Variants in ARHGAP6 observed in about 807,000 individuals in gnomAD.
ARHGAP6 encodes rho GTPase-activating protein 6.
A neutral mutation model predicts 55.7 loss-of-function variants in ARHGAP6; 16 were observed. That is an observed-to-expected ratio of 0.29 (90% confidence interval 0.19 to 0.44). The LOEUF is 0.44. ARHGAP6 is among the 20% of genes least tolerant of loss of function. The pLI is 1.00. For missense variants in ARHGAP6, 698 were observed against 808.9 expected, an observed-to-expected ratio of 0.86 and a Z score of 1.66; for synonymous variants, 382 against 360.9, an observed-to-expected ratio of 1.06 and a Z score of -0.66.
chrX:11,487,556 G>A (rs1475929605), intron 1 of ARHGAP6, among the ~76,000 whole-genome samples: 1 of 112,222 alleles, frequency 8.9e-6, no homozygotes, highest in African/African-American at 3.2e-5. Context: ...AATAATTTAA[G>A]TATGTCCATG....
chrX:11,257,820 A>C (rs866142586), intron 1 of ARHGAP6, among the ~76,000 whole-genome samples: 1 of 111,918 alleles, frequency 8.9e-6, no homozygotes, highest in Non-Finnish European at 1.9e-5. Flanking sequence ...TTTGTTATCT[A>C]TCTGGAGGAT....
intron 1 of ARHGAP6, among the ~76,000 whole-genome samples, chrX:11,552,591 T>TGG (rs2051280080): frequency 4.5e-5 from 3 of 66,031 alleles, no homozygotes; most frequent in African/African-American, 1.8e-4. Flanking sequence ...TATATATATA[T>TGG]ATATATATAG....
intron 9 of ARHGAP6, among the ~76,000 whole-genome samples, chrX:11,158,176 G>A (rs1298535559): frequency 1.8e-5 from 2 of 111,820 alleles, no homozygotes; most frequent in Non-Finnish European, 3.8e-5. Context: ...AGTGTGTATC[G>A]TAGTCAAAGT....
At chrX:11,438,652 T>A (rs1040262880) in intron 1 of ARHGAP6, among the ~76,000 whole-genome samples, 1 of 112,911 alleles carries the variant, frequency 8.9e-6, no homozygotes, top group Admixed American at 9.4e-5. Flanking sequence ...AGAAATTGTT[T>A]CTATCTTGCC....
Position 11,590,869 on chromosome X carries a change from G to GAGAAGGAAAGAAAGAAAGAAAGAAA in ARHGAP6, c.588+73371_588+73372insTTTCTTTCTTTCTTTCTTTCCTTCT. Among the ~76,000 whole-genome samples the GAGAAGGAAAGAAAGAAAGAAAGAAA allele has an allele frequency of 8.3e-5, 2 of 24,218 alleles. 1 individual carries two copies. Among genetic ancestry groups the GAGAAGGAAAGAAAGAAAGAAAGAAA allele is most frequent in the African/African-American group, 4.2e-4 (2 of 4,710 alleles). The allele number at this position is 24,218 out of a possible 115,157, so 21.0% of individuals were successfully genotyped here. On this transcript the variant is annotated intron_variant, in intron 1 of 12. Transcript: ENST00000337414. Reference sequence around the variant, plus strand: ...AAGAAAAGAAAAGAAAAGAAAAGAAGGAAAGAAAGAAAGAAAGAAAGAAAG... The same window carrying GAGAAGGAAAGAAAGAAAGAAAGAAA: ...AAGAAAAGAAAAGAAAAGAAAAGAAGAGAAGGAAAGAAAGAAAGAAAGAAAGAAAGAAAGAAAGAAAGAAAGAAAG...
intron 1 of ARHGAP6, among the ~76,000 whole-genome samples, chrX:11,569,695 C>T (rs1215389908): frequency 9.0e-6 from 1 of 111,609 alleles, no homozygotes; most frequent in African/African-American, 3.3e-5. Flanking sequence ...AGTAGCCCTG[C>T]ACCCTCTGTA....
At chrX:11,198,859 C>G (rs967591141) in intron 2 of ARHGAP6, among the ~76,000 whole-genome samples, 3 of 112,399 alleles carry the variant, frequency 2.7e-5, no homozygotes, top group Non-Finnish European at 5.6e-5. Flanking sequence ...TAGACTATTG[C>G]TAGTACCTGA....
chrX:11,425,415 G>T (rs766473591), intron 1 of ARHGAP6, among the ~76,000 whole-genome samples: 22 of 112,285 alleles, frequency 2.0e-4, no homozygotes, highest in African/African-American at 7.1e-4. Context: ...ATACTAATAT[G>T]AAAAACAATG....
intron 1 of ARHGAP6, among the ~76,000 whole-genome samples, chrX:11,637,259 A>G (rs1234570281): frequency 1.8e-5 from 2 of 111,082 alleles, no homozygotes; most frequent in Non-Finnish European, 3.8e-5. Flanking sequence ...GGTTTTTATC[A>G]TGGTCTGACT....
chrX:11,592,862 A>G (rs906075974), intron 1 of ARHGAP6, among the ~76,000 whole-genome samples: 1 of 111,603 alleles, frequency 9.0e-6, no homozygotes, highest in East Asian at 2.8e-4. Flanking sequence ...CAAGGTTTGA[A>G]GAGCCTCTGG....
chrX:11,174,551 TTCCTTCCTTCCTTCCTTCCTTC>T (rs1462184415), intron 8 of ARHGAP6, among the ~76,000 whole-genome samples: 8 of 82,299 alleles, frequency 9.7e-5, no homozygotes, highest in African/African-American at 2.6e-4. Flanking sequence ...CCTTCCTTCC[TTCCTTCCTTCCTTCCTTCCTTC>T]CTTTCTTTCT....
chrX:11,655,623 A>ACCC (rs2052629342), intron 1 of ARHGAP6, among the ~76,000 whole-genome samples: 1 of 112,131 alleles, frequency 8.9e-6, no homozygotes, highest in East Asian at 2.8e-4. Context: ...ACGTTTCCCT[A>ACCC]ATAGCTAATG....
chrX:11,456,956 C>A (rs2050199226), intron 1 of ARHGAP6, among the ~76,000 whole-genome samples: 1 of 111,610 alleles, frequency 9.0e-6, no homozygotes, highest in Non-Finnish European at 1.9e-5. Flanking sequence ...TAGAGGAACA[C>A]AATGCTTAGG....
intron 1 of ARHGAP6, among the ~76,000 whole-genome samples, chrX:11,637,483 T>A (rs17255608): frequency 0.12 from 13,868 of 111,402 alleles, 794 homozygotes; most frequent in Middle Eastern, 0.22. Flanking sequence ...TCATTCCTCC[T>A]GTATTATTCC....
intron 1 of ARHGAP6, chrX:11,298,589 C>T: frequency 8.3e-7 from 1 of 1,211,389 alleles, no homozygotes; most frequent in Non-Finnish European, 1.1e-6. Flanking sequence ...GATGGCTGCA[C>T]CACCAAATCA....
At position 11,488,620 on chromosome X, in the gene ARHGAP6, G is replaced by A. The variant is rs145333019; in HGVS notation, c.588+175621C>T. Among the ~76,000 whole-genome samples, 735 of 110,888 alleles carry A rather than the reference G, an allele frequency of 6.6e-3. 5 individuals are homozygous for A. Among genetic ancestry groups the A allele is most frequent in the African/African-American group, 0.023 (687 of 30,499 alleles). ...GGTTAGGAACCGGGCCACACAGCAG[G>A]AGGTAAGCAGCAGACCAGCGAGCAT... On this transcript the variant is annotated intron_variant, in intron 1 of 12. Transcript: ENST00000337414.
intron 1 of ARHGAP6, among the ~76,000 whole-genome samples, chrX:11,640,057 C>A (rs901106642): frequency 9.0e-6 from 1 of 111,393 alleles, no homozygotes; most frequent in Non-Finnish European, 1.9e-5. Flanking sequence ...GGAATGAATC[C>A]TCTCACCACT....
chrX:11,171,056 T>C (rs1379056146), intron 8 of ARHGAP6, among the ~76,000 whole-genome samples: 3 of 111,421 alleles, frequency 2.7e-5, no homozygotes. Context: ...ACAGTGAATG[T>C]AGACACTTTC....
intron 1 of ARHGAP6, among the ~76,000 whole-genome samples, chrX:11,426,056 C>G (rs761362827): frequency 8.9e-6 from 1 of 112,201 alleles, no homozygotes; most frequent in Non-Finnish European, 1.9e-5. Flanking sequence ...GACAGATGAA[C>G]GAGCATTAGT....
Sources: gnomAD v4.1 joint callset for allele counts (sites outside exome capture counted in the v4.1 genomes callset) on GRCh38, gnomAD v4.1.1 for gene constraint, MANE v1.5 for transcripts, NCBI Gene and HGNC (gene_info 2026-07-23, HGNC 2026-07-21) for gene names.